The following KALRN variants were observed in gnomAD, a reference collection of about 807,000 sequenced individuals.
KALRN encodes the protein kalirin RhoGEF kinase.
In KALRN, 70 loss-of-function variants were observed where a neutral mutation model predicts 353.7. The observed-to-expected ratio is 0.20, with a 90% CI of 0.16 to 0.24. The LOEUF (loss-of-function observed/expected upper bound fraction) is 0.24, where lower values mean the gene tolerates loss of function less well. Ranked by LOEUF, KALRN falls within the 10% of genes least tolerant of loss-of-function variation. The pLI, the probability that KALRN is intolerant of heterozygous loss-of-function variation, is 1.00. For synonymous variants in KALRN, 1,391 were observed against 1,434.8 expected (o/e 0.97, Z 0.69); for missense variants, 2,791 against 3,756.7 (o/e 0.74, Z 6.72).
chr3:124,715,444 G>T (rs1427987017), intron 58 of KALRN, among the ~76,000 whole-genome samples: 1 of 152,204 alleles, frequency 6.6e-6, no homozygotes, highest in African/African-American at 2.4e-5. Flanking sequence ...GAACTTGGTG[G>T]CTAAGACTCT....
chr3:124,392,566 G>GTT (rs35858857), intron 11 of KALRN, among the ~76,000 whole-genome samples: 9,061 of 127,972 alleles, frequency 0.071, 367 homozygotes, highest in Non-Finnish European at 0.1. Context: ...AGTTTTTTTT[G>GTT]TTTTTTTTTT....
At chr3:124,667,707 A>G (rs1449002292) in intron 47 of KALRN, among the ~76,000 whole-genome samples, 1 of 152,214 alleles carries the variant, frequency 6.6e-6, no homozygotes, top group Non-Finnish European at 1.5e-5. Context: ...AATTTCTGTA[A>G]TACCCTGAAA....
intron 1 of KALRN, among the ~76,000 whole-genome samples, chr3:124,136,885 A>G (rs1319665761): frequency 6.6e-6 from 1 of 152,126 alleles, no homozygotes; most frequent in Non-Finnish European, 1.5e-5. Flanking sequence ...GCACTACAGG[A>G]AATTATGGAG....
Position 124,553,932 on chromosome 3 carries a change from G to C in KALRN, c.4936-8911G>C, listed in dbSNP as rs116723648. On this transcript the variant is annotated intron_variant, in intron 33 of 59. Coordinates refer to ENST00000682506, the MANE Select transcript of KALRN (RefSeq NM_001388419.1). ...GGCAATGAGATGAAGATAGAAGGGA[G>C]AATAAATACCAGTTGCTACTACTGC... 7.1e-3 allele frequency among the ~76,000 whole-genome samples: 1,085 copies of C among 152,382 alleles called. 11 individuals are homozygous for C. The highest frequency in any genetic ancestry group is 0.011 in the Non-Finnish European group (751 of 68,042).
chr3:124,145,743 C>T (rs2067250447), intron 1 of KALRN, among the ~76,000 whole-genome samples: 1 of 152,210 alleles, frequency 6.6e-6, no homozygotes, highest in Admixed American at 6.5e-5. Context: ...GAGCCAGAAG[C>T]CAGCTTTTCT....
At chr3:124,682,138 CAGA>C (rs1381573529) in intron 51 of KALRN, among the ~76,000 whole-genome samples, 17 of 152,150 alleles carry the variant, frequency 1.1e-4, no homozygotes, top group African/African-American at 3.6e-4. Context: ...ATGTACACTG[CAGA>C]AGAAGAAAAT....
intron 13 of KALRN, chr3:124,410,364 T>A: frequency 2.2e-6 from 1 of 460,420 alleles, no homozygotes; most frequent in South Asian, 1.6e-5. Context: ...GTTGTCTTAG[T>A]TTTATTCTAA....
At chr3:124,419,495 C>T (rs906057369) in intron 14 of KALRN, among the ~76,000 whole-genome samples, 1 of 152,044 alleles carries the variant, frequency 6.6e-6, no homozygotes, top group Non-Finnish European at 1.5e-5. Context: ...TTCCCCCAAG[C>T]TCTCAGGTAC....
At chr3:124,604,830 G>T (rs1446231652) in intron 34 of KALRN, among the ~76,000 whole-genome samples, 6 of 149,640 alleles carry the variant, frequency 4.0e-5, no homozygotes, top group African/African-American at 1.5e-4. Flanking sequence ...GGGACCACAA[G>T]GATGTGCCAT....
At chr3:124,417,577 C>G (rs1239644252) in intron 14 of KALRN, among the ~76,000 whole-genome samples, 2 of 152,178 alleles carry the variant, frequency 1.3e-5, no homozygotes, top group African/African-American at 4.8e-5. Flanking sequence ...GAGAAGAACC[C>G]AACCCCAACG....
chr3:124,294,696 C>T (rs947292445), intron 5 of KALRN, among the ~76,000 whole-genome samples: 1 of 151,718 alleles, frequency 6.6e-6, no homozygotes, highest in African/African-American at 2.4e-5. Flanking sequence ...AGAAGCTTCT[C>T]TGGCTATAAA....
chr3:124,440,554 C>T (rs778015181), intron 18 of KALRN, among the ~76,000 whole-genome samples: 42 of 151,632 alleles, frequency 2.8e-4, no homozygotes, highest in Non-Finnish European at 5.0e-4. Flanking sequence ...TTCCAGATGC[C>T]TTTGTTGCTA....
chr3:124,081,275 C>T (rs1195882153), intron 1 of KALRN, among the ~76,000 whole-genome samples: 1 of 152,148 alleles, frequency 6.6e-6, no homozygotes, highest in Non-Finnish European at 1.5e-5. Flanking sequence ...TACCTCCATG[C>T]AAGAGTGTAT....
chr3:124,632,332 G>C lies in KALRN; in HGVS notation c.5183-88G>C, dbSNP rs564047039. On this transcript the variant is annotated intron_variant, in intron 34 of 59. Coordinates refer to ENST00000682506, the MANE Select transcript of KALRN (RefSeq NM_001388419.1). ...CCTGGACATTCTGCCTTGTGTCCTA[G>C]CTTCCTGAGGATGGAGCTGTCTCAG... The C allele has an allele frequency of 4.2e-5, 55 of 1,323,480 alleles. No individual in the cohort carries two copies. The East Asian group carries it at 1.2e-3, about 29-fold the overall frequency. 82.0% of individuals were successfully genotyped at this position (1,323,480 alleles called of 1,614,324 possible).
intron 33 of KALRN, among the ~76,000 whole-genome samples, chr3:124,543,084 G>A (rs1191078799): frequency 1.3e-5 from 2 of 152,120 alleles, no homozygotes; most frequent in East Asian, 1.9e-4. Flanking sequence ...ATGTCCTCAC[G>A]ACACGGTGGC....
At chr3:124,196,704 AT>A (rs1440241539) in intron 1 of KALRN, among the ~76,000 whole-genome samples, 1 of 152,194 alleles carries the variant, frequency 6.6e-6, no homozygotes, top group African/African-American at 2.4e-5. Flanking sequence ...ACCTAAACAC[AT>A]TGTTCATGAA....
chr3:124,605,848 G>A (rs17227052), intron 34 of KALRN, among the ~76,000 whole-genome samples: 90,700 of 151,940 alleles, frequency 0.6, 27,285 homozygotes, highest in East Asian at 0.83. Context: ...AAACAAGAAC[G>A]GAGTAGCACT....
chr3:124,315,946 G>T (rs1387963932), intron 6 of KALRN, among the ~76,000 whole-genome samples: 1 of 152,140 alleles, frequency 6.6e-6, no homozygotes, highest in African/African-American at 2.4e-5. Context: ...CCAGCTAGGA[G>T]TACCAGATGA....
chr3:124,671,661 A>C lies in KALRN; in HGVS notation c.6705A>C (p.Ala2235=). 1 of 1,609,856 alleles carries C rather than the reference A, an allele frequency of 6.2e-7. No individual in the cohort carries two copies. Among genetic ancestry groups the C allele is most frequent in the Non-Finnish European group, 8.5e-7 (1 of 1,176,136 alleles). ...TAACCACCTGCTCTTATCCCACAGC[A>C]CTGCAATCGCCCATTGAGTATCAAC... The part of the protein sequence containing the change: ...VLETQRDFLN[A]LQSPIEYQRK... The change falls in exon 48 of 60, where the codon GCA becomes GCC. Residue 2235 remains alanine (A), a splice_region_variant and synonymous_variant. Coordinates refer to ENST00000682506, the MANE Select transcript of KALRN (RefSeq NM_001388419.1).
Sources: allele counts gnomAD v4.1 joint callset (sites outside exome capture counted in the v4.1 genomes callset), GRCh38; gene constraint gnomAD v4.1.1; transcripts MANE v1.5; gene names NCBI Gene and HGNC (gene_info 2026-07-23, HGNC 2026-07-21).